The following GNA12 variants were observed in gnomAD, a reference collection of about 807,000 sequenced individuals.
GNA12 encodes guanine nucleotide-binding protein subunit alpha-12.
Under a neutral mutation model 26.0 loss-of-function variants are expected in GNA12, and 9 were observed. The ratio of observed to expected loss-of-function variants is 0.35; its 90% CI spans 0.21 to 0.60. The LOEUF is 0.60. Among genes scored for constraint, GNA12 ranks in the 20% least tolerant of loss-of-function variants. GNA12 has a pLI of 0.78. For synonymous variants in GNA12, 264 were observed against 219.6 expected (o/e 1.20, Z -1.79); for missense variants, 405 against 525.8 (o/e 0.77, Z 2.25).
intron 1 of GNA12, among the ~76,000 whole-genome samples, chr7:2,842,716 A>T (rs983490239): frequency 6.6e-6 from 1 of 152,226 alleles, no homozygotes; most frequent in Non-Finnish European, 1.5e-5. Flanking sequence ...GCCACAATGG[A>T]GGAATTCTGA....
chr7:2,759,944 G>T (rs773671367), intron 2 of GNA12, among the ~76,000 whole-genome samples: 1 of 152,214 alleles, frequency 6.6e-6, no homozygotes, highest in Non-Finnish European at 1.5e-5. Flanking sequence ...TGCCAAGCAG[G>T]CTGTGTAGGC....
intron 1 of GNA12, among the ~76,000 whole-genome samples, chr7:2,820,046 G>C (rs1411236910): frequency 6.6e-6 from 1 of 152,246 alleles, no homozygotes; most frequent in Non-Finnish European, 1.5e-5. Flanking sequence ...GCCGCTTAGA[G>C]GGATGACGAT....
intron 2 of GNA12, among the ~76,000 whole-genome samples, chr7:2,776,800 C>T (rs1583272430): frequency 1.3e-5 from 2 of 152,042 alleles, no homozygotes; most frequent in East Asian, 1.9e-4. Flanking sequence ...AACCTTACGT[C>T]GGGGCCAGGA....
At chr7:2,808,563 C>G (rs1583298647) in intron 1 of GNA12, among the ~76,000 whole-genome samples, 2 of 152,192 alleles carry the variant, frequency 1.3e-5, no homozygotes, top group East Asian at 3.9e-4. Context: ...CACAGAGCAG[C>G]AGCGGCCTGC....
At chr7:2,807,826 T>C (rs1316915448) in intron 1 of GNA12, among the ~76,000 whole-genome samples, 1 of 152,168 alleles carries the variant, frequency 6.6e-6, no homozygotes, top group Non-Finnish European at 1.5e-5. Context: ...GCAGCCTCAC[T>C]AAACAAGACG....
At position 2,844,285 on chromosome 7, in the gene GNA12, C is replaced by T. The variant is rs956284572; in HGVS notation, c.-124G>A. The T allele has an allele frequency of 2.9e-6, 1 of 348,456 alleles. No individual in the cohort carries two copies. The highest frequency in any genetic ancestry group is 4.0e-6 in the Non-Finnish European group (1 of 249,152). 21.6% of individuals were successfully genotyped at this position (348,456 alleles called of 1,614,324 possible). ...GCCGCTCGCCTCAGGCCGCGTCCGCCGCCGCCGCTGCAGTCGCTCCGAGGC... is the reference window on the plus strand; with the variant it reads ...GCCGCTCGCCTCAGGCCGCGTCCGCTGCCGCCGCTGCAGTCGCTCCGAGGC... On this transcript the variant is annotated 5_prime_UTR_variant, in exon 1 of 4. Coordinates refer to ENST00000275364, the MANE Select transcript of GNA12 (RefSeq NM_007353.3).
chr7:2,793,751 T>G (rs114580381), intron 2 of GNA12, among the ~76,000 whole-genome samples: 1 of 151,138 alleles, frequency 6.6e-6, no homozygotes, highest in Admixed American at 6.6e-5. Flanking sequence ...GGTGTGGTGG[T>G]GGGTGCCTAC....
chr7:2,798,732 TATCTG>T (rs926169578), intron 1 of GNA12, among the ~76,000 whole-genome samples: 3 of 152,250 alleles, frequency 2.0e-5, no homozygotes, highest in Admixed American at 2.0e-4. Flanking sequence ...ACAATCAGTC[TATCTG>T]ATTTTAAGAC....
intron 1 of GNA12, among the ~76,000 whole-genome samples, chr7:2,818,959 G>C (rs544766093): frequency 1.3e-5 from 2 of 152,262 alleles, no homozygotes; most frequent in East Asian, 3.9e-4. Context: ...ATGGCCGGGG[G>C]TATTCATCAA....
intron 2 of GNA12, among the ~76,000 whole-genome samples, chr7:2,793,356 C>T (rs575871651): frequency 2.1e-5 from 3 of 144,048 alleles, no homozygotes; most frequent in South Asian, 2.1e-4. Context: ...CGGACAGGAG[C>T]GCAAGAGGAA....
chr7:2,770,557 G>C (rs566699153), intron 2 of GNA12, among the ~76,000 whole-genome samples: 1 of 152,296 alleles, frequency 6.6e-6, no homozygotes, highest in South Asian at 2.1e-4. Flanking sequence ...AGGAGTTTGA[G>C]GATGCAGTGA....
At chr7:2,843,579 C>A (rs533971452) in intron 1 of GNA12, among the ~76,000 whole-genome samples, 1 of 151,800 alleles carries the variant, frequency 6.6e-6, no homozygotes, top group South Asian at 2.1e-4. Flanking sequence ...CCTGGGAGGT[C>A]GAGGCTGCAG....
At chr7:2,799,567 G>A (rs1047347872) in intron 1 of GNA12, among the ~76,000 whole-genome samples, 1 of 152,074 alleles carries the variant, frequency 6.6e-6, no homozygotes, top group Non-Finnish European at 1.5e-5. Context: ...GGGTGACAGA[G>A]CAAGATCCTG....
chr7:2,747,708 T>C (rs1028725799), intron 2 of GNA12, among the ~76,000 whole-genome samples: 5 of 152,140 alleles, frequency 3.3e-5, no homozygotes, highest in Non-Finnish European at 7.3e-5. Context: ...GGGTATTCAA[T>C]TAGGAAAAGA....
intron 2 of GNA12, among the ~76,000 whole-genome samples, chr7:2,765,551 C>A (rs1299406094): frequency 6.6e-6 from 1 of 151,904 alleles, no homozygotes; most frequent in Non-Finnish European, 1.5e-5. Flanking sequence ...CCTGTGACTC[C>A]AACATTCAAT....
At chr7:2,792,927 T>C (rs1163359964) in intron 2 of GNA12, among the ~76,000 whole-genome samples, 1 of 152,074 alleles carries the variant, frequency 6.6e-6, no homozygotes, top group Non-Finnish European at 1.5e-5. Flanking sequence ...ACAGAGAAAA[T>C]ACTGACTTCC....
At chr7:2,751,209 C>T (rs1791018018) in intron 2 of GNA12, among the ~76,000 whole-genome samples, 1 of 151,854 alleles carries the variant, frequency 6.6e-6, no homozygotes. Context: ...CATGGTAAAA[C>T]CCCATCTTCT....
rs529452663 is a variant in GNA12, at chr7:2,814,967, G to A, written c.310-19824C>T. On this transcript the variant is annotated intron_variant, in intron 1 of 3. Transcript: ENST00000275364. ...ACAATACAGTAGGCGCTCTGCACTCGGCATGGCTGACAAGGACGTCACTGT... is the reference window on the plus strand; with the variant it reads ...ACAATACAGTAGGCGCTCTGCACTCAGCATGGCTGACAAGGACGTCACTGT... 93 of 1,560,812 alleles carry A rather than the reference G, an allele frequency of 6.0e-5. No individual in the cohort carries two copies. In the Admixed American group the frequency reaches 6.1e-4, roughly 10 times the overall value.
intron 1 of GNA12, among the ~76,000 whole-genome samples, chr7:2,796,109 G>C (rs558115760): frequency 6.9e-6 from 1 of 144,238 alleles, no homozygotes; most frequent in Non-Finnish European, 1.5e-5. Flanking sequence ...CAGCTGATCC[G>C]CCCGCCTCAG....
Sources: gnomAD v4.1 joint callset for allele counts (sites outside exome capture counted in the v4.1 genomes callset) on GRCh38, gnomAD v4.1.1 for gene constraint, MANE v1.5 for transcripts, NCBI Gene and HGNC (gene_info 2026-07-23, HGNC 2026-07-21) for gene names.